The following NCAM1 variants were observed in gnomAD, a reference collection of about 807,000 sequenced individuals.
NCAM1 encodes antigen recognized by monoclonal antibody 5.1H11.
In NCAM1, 14 loss-of-function variants were observed where a neutral mutation model predicts 109.8. That is an observed-to-expected ratio of 0.13 (90% CI 0.08 to 0.20). The LOEUF is 0.20. Ranked by LOEUF, NCAM1 falls within the 10% of genes least tolerant of loss-of-function variation. NCAM1 has a pLI of 1.00. For missense variants in NCAM1, 774 were observed against 1,109.9 expected, an observed-to-expected ratio of 0.70 and a Z score of 4.30; for synonymous variants, 418 against 442.9, an observed-to-expected ratio of 0.94 and a Z score of 0.70.
intron 1 of NCAM1, 56 bp from the exon 2 acceptor site, chr11:113,202,323 A>C (rs782669293): frequency 2.9e-6 from 4 of 1,383,534 alleles, no homozygotes; most frequent in Non-Finnish European, 4.0e-6. Flanking sequence ...TTTGAACTGA[A>C]CTTTGTGGGT....
At chr11:113,138,902 A>G (rs1941710648) in intron 1 of NCAM1, among the ~76,000 whole-genome samples, 1 of 152,232 alleles carries the variant, frequency 6.6e-6, no homozygotes, top group African/African-American at 2.4e-5. Context: ...CTTCCAATGT[A>G]GGAATCCTTC....
chr11:113,032,443 C>T (rs1308633830), intron 1 of NCAM1, among the ~76,000 whole-genome samples: 7 of 152,138 alleles, frequency 4.6e-5, no homozygotes, highest in African/African-American at 1.2e-4. Flanking sequence ...TCCCAGAATC[C>T]CCTGCATCCC....
At chr11:113,156,681 A>G (rs782095266) in intron 1 of NCAM1, among the ~76,000 whole-genome samples, 188 of 152,296 alleles carry the variant, frequency 1.2e-3, no homozygotes, top group Middle Eastern at 3.4e-3. Context: ...TTTATGGCTC[A>G]GGGGAAGGAG....
intron 1 of NCAM1, among the ~76,000 whole-genome samples, chr11:113,031,618 G>A (rs1326494654): frequency 6.6e-6 from 1 of 152,112 alleles, no homozygotes; most frequent in Non-Finnish European, 1.5e-5. Flanking sequence ...CTTGAACCCA[G>A]GAGGTGGAGG....
chr11:113,109,481 G>T (rs782194440), intron 1 of NCAM1, among the ~76,000 whole-genome samples: 1 of 152,036 alleles, frequency 6.6e-6, no homozygotes, highest in Non-Finnish European at 1.5e-5. Flanking sequence ...AAAAATTGAT[G>T]ATTGTATTAA....
intron 1 of NCAM1, among the ~76,000 whole-genome samples, chr11:113,161,680 T>A (rs1174394279): frequency 1.3e-5 from 2 of 152,220 alleles, no homozygotes; most frequent in Admixed American, 6.5e-5. Context: ...TCACCTTGTT[T>A]CCTCTTAAGC....
rs189374282 is a variant in NCAM1 at position 113,064,246 on chromosome 11, C to T, written c.52+102582C>T. 3.5e-4 allele frequency among the ~76,000 whole-genome samples: 53 copies of T among 152,246 alleles called. No individual in the cohort carries two copies. The East Asian group carries it at 7.3e-3, about 21-fold the overall frequency. On this transcript the variant is annotated intron_variant, in intron 1 of 19. Transcript: ENST00000316851. The stretch of plus-strand genomic sequence containing the variant: ...CTCACTGTGACGAGTGTTTTTAACC[C>T]GTTAATATCCCTTGAAATGGGTCAT...
In NCAM1 at chr11:113,081,867, A is replaced by C. The variant is rs544305395; in HGVS notation, c.52+120203A>C. The stretch of plus-strand genomic sequence containing the variant: ...TTCTTTTAAAGAAAATCTCATCTGG[A>C]TTCTTTCTGTTAAAGAACTAAACCC... On this transcript the variant is annotated intron_variant, in intron 1 of 19. Transcript: ENST00000316851. Among the ~76,000 whole-genome samples the C allele has an allele frequency of 1.3e-3, 203 of 152,180 alleles. 6 individuals are homozygous for C. In the South Asian group the frequency reaches 0.04, roughly 30 times the overall value.
At chr11:113,090,264 CTT>C (rs1555089107) in intron 1 of NCAM1, among the ~76,000 whole-genome samples, 2 of 152,184 alleles carry the variant, frequency 1.3e-5, no homozygotes, top group African/African-American at 2.4e-5. Context: ...TTCATGATGA[CTT>C]TGTCTTGCAT....
chr11:113,159,436 G>A (rs1253949753), intron 1 of NCAM1, among the ~76,000 whole-genome samples: 2 of 151,972 alleles, frequency 1.3e-5, no homozygotes, highest in East Asian at 1.9e-4. Context: ...TGGCAAGTAA[G>A]TCTCCATTTT....
chr11:113,089,273 T>C (rs1410640907), intron 1 of NCAM1, among the ~76,000 whole-genome samples: 2 of 152,082 alleles, frequency 1.3e-5, no homozygotes, highest in Non-Finnish European at 2.9e-5. Flanking sequence ...GCCACTGCAC[T>C]CCAGCCTGGG....
intron 1 of NCAM1, among the ~76,000 whole-genome samples, chr11:113,122,300 A>G (rs1472132487): frequency 6.6e-6 from 1 of 152,134 alleles, no homozygotes; most frequent in African/African-American, 2.4e-5. Flanking sequence ...ATTTTTCTCC[A>G]CTCAGTGTAT....
At chr11:113,218,547 A>G (rs1473220197) in intron 8 of NCAM1, among the ~76,000 whole-genome samples, 3 of 152,214 alleles carry the variant, frequency 2.0e-5, no homozygotes, top group South Asian at 2.1e-4. Flanking sequence ...TGGAATACCA[A>G]TGTTCTTGTT....
In NCAM1 at chr11:112,962,999, A is replaced by G. The variant is rs1262822773; in HGVS notation, c.52+1335A>G. On this transcript the variant is annotated intron_variant, in intron 1 of 19. Transcript: ENST00000316851. The surrounding 1 kb of genome is among the most constrained non-coding windows in gnomAD (Gnocchi z 5.6). ...GGTTGGGGAGCGCACGGGGCGGGCC[A>G]GGGAGCACCCAGTGCGCCCCCTCCG... is the stretch of plus-strand genomic sequence containing the variant. Among the ~76,000 whole-genome samples the G allele has an allele frequency of 2.0e-5, 3 of 151,966 alleles. No individual in the cohort carries two copies. Among genetic ancestry groups the G allele is most frequent in the Admixed American group, 6.5e-5 (1 of 15,290 alleles).
intron 8 of NCAM1, among the ~76,000 whole-genome samples, chr11:113,219,325 G>A (rs1944621633): frequency 6.6e-6 from 1 of 152,178 alleles, no homozygotes; most frequent in Non-Finnish European, 1.5e-5. Context: ...TTTAAACACT[G>A]GAAAAGATGA....
At chr11:113,016,798 C>T (rs986863245) in intron 1 of NCAM1, among the ~76,000 whole-genome samples, 1 of 152,040 alleles carries the variant, frequency 6.6e-6, no homozygotes. Context: ...GGCAGGTGAA[C>T]CCTCAAATTT....
Position 113,263,141 on chromosome 11 carries a change from C to T in NCAM1, c.2131+2818C>T, listed in dbSNP as rs192707439. ...TGCCACTTCATAAGGAGTTTGCCCC[C>T]TTTTTAATGGCAGTAAAAAGAATTT... On this transcript the variant is annotated intron_variant, in intron 17 of 19. Transcript: ENST00000316851. 2.5e-3 allele frequency: 3,074 copies of T among 1,219,278 alleles called. 4 individuals are homozygous for T. Among genetic ancestry groups the T allele is most frequent in the Middle Eastern group, 5.8e-3 (26 of 4,454 alleles). The allele number at this position is 1,219,278 out of a possible 1,614,324, so 75.5% of individuals were successfully genotyped here.
intron 1 of NCAM1, among the ~76,000 whole-genome samples, chr11:113,013,047 G>T (rs924888875): frequency 1.3e-5 from 2 of 152,172 alleles, no homozygotes; most frequent in Non-Finnish European, 2.9e-5. Flanking sequence ...AACAATTGAT[G>T]AATTTCAGTG....
chr11:113,242,887 C>T, intron 14 of NCAM1: 2 of 1,613,596 alleles, frequency 1.2e-6, no homozygotes, highest in Non-Finnish European at 8.5e-7. Flanking sequence ...GACCTCTGAT[C>T]GCTTGTTGTA....
Sources: gnomAD v4.1 joint callset for allele counts (sites outside exome capture counted in the v4.1 genomes callset) on GRCh38, gnomAD v4.1.1 for gene constraint, Gnocchi (gnomAD v3.1) non-coding constraint, MANE v1.5 for transcripts, NCBI Gene and HGNC (gene_info 2026-07-23, HGNC 2026-07-21) for gene names.